ACER1: variants seen among roughly 807,000 people sequenced by gnomAD.
The protein encoded by ACER1 is CTB-180A7.3.
A neutral mutation model predicts 24.9 loss-of-function variants in ACER1; 28 were observed. That is an observed-to-expected ratio of 1.13 (90% CI 0.83 to 1.54). The LOEUF is 1.54. Among genes scored for constraint, ACER1 ranks in the 40% most tolerant of loss-of-function variants. The pLI is 0.00. For synonymous variants in ACER1, 132 were observed against 131.4 expected (o/e 1.00, Z -0.03); for missense variants, 352 against 349.3 (o/e 1.01, Z -0.06).
chr19:6,333,366 A>T, intron 1 of ACER1, 93 bp downstream of exon 1: 1 of 1,056,298 alleles, frequency 9.5e-7, no homozygotes, highest in Non-Finnish European at 1.4e-6. Flanking sequence ...CAGGTGAACC[A>T]CTCCAGCAAG....
At chr19:6,351,676 T>TAAG in the ACER1 span, among the ~76,000 whole-genome samples, 59 of 151,992 alleles carry the variant, frequency 3.9e-4, no homozygotes, top group African/African-American at 1.4e-3. Context: ...AAGACTGCAG[T>TAAG]GAGCTGTGAT....
chr19:6,309,440 T>C (rs2091566597), intron 4 of ACER1, among the ~76,000 whole-genome samples: 1 of 151,984 alleles, frequency 6.6e-6, no homozygotes, highest in African/African-American at 2.4e-5. Context: ...GAGGATTGCT[T>C]GAGCCTGGGA....
intron 1 of ACER1, among the ~76,000 whole-genome samples, chr19:6,332,764 G>C (rs2091694635): frequency 6.6e-6 from 1 of 152,082 alleles, no homozygotes; most frequent in African/African-American, 2.4e-5. Flanking sequence ...TCCGCCTCCT[G>C]GGTTCAAGCG....
At chr19:6,346,870 C>A in the ACER1 span, among the ~76,000 whole-genome samples, 2 of 151,768 alleles carry the variant, frequency 1.3e-5, no homozygotes, top group Non-Finnish European at 2.9e-5. Flanking sequence ...CTGCCCACCC[C>A]CTTCTTTCCT....
At chr19:6,355,289 CT>C in the ACER1 span, among the ~76,000 whole-genome samples, 1 of 150,878 alleles carries the variant, frequency 6.6e-6, no homozygotes, top group Non-Finnish European at 1.5e-5. Flanking sequence ...CGCCCATCGT[CT>C]GGGACGTGAG....
the ACER1 span, among the ~76,000 whole-genome samples, chr19:6,355,766 A>G: frequency 1.0e-4 from 10 of 99,030 alleles, no homozygotes; most frequent in East Asian, 1.5e-3. Flanking sequence ...TCAGCCCCCC[A>G]CCCGGCCAGC....
chr19:6,322,377 G>A (rs1389501155), intron 1 of ACER1, among the ~76,000 whole-genome samples: 1 of 152,150 alleles, frequency 6.6e-6, no homozygotes, highest in East Asian at 1.9e-4. Context: ...GACAAAATAT[G>A]TAGCAGAAAT....
chr19:6,316,077 G>A (rs949694146), intron 1 of ACER1, among the ~76,000 whole-genome samples: 2 of 152,110 alleles, frequency 1.3e-5, no homozygotes, highest in African/African-American at 4.8e-5. Flanking sequence ...GCAGTGAGCT[G>A]AGATTGTTGC....
Position 6,306,614 on chromosome 19 carries a change from G to T in ACER1, c.*100C>A. ...GACACGGAAGGGGAAACAGAGGAAG[G>T]AACCACGAGTGTCCCGCAGGTGCAA... On this transcript the variant is annotated 3_prime_UTR_variant, in exon 6 of 6. Coordinates refer to ENST00000301452, the MANE Select transcript of ACER1 (RefSeq NM_133492.3). The T allele has an allele frequency of 7.1e-7, 1 of 1,400,222 alleles. No individual in the cohort carries two copies. The allele number at this position is 1,400,222 out of a possible 1,614,324, so 86.7% of individuals were successfully genotyped here. A position where few individuals can be genotyped will look rare whatever the true frequency, so the allele number is the denominator to read the frequency against.
At chr19:6,346,956 T>C in the ACER1 span, among the ~76,000 whole-genome samples, 18 of 151,466 alleles carry the variant, frequency 1.2e-4, no homozygotes, top group Non-Finnish European at 2.1e-4. Context: ...GCTTGAATTG[T>C]ATTCTCTAAA....
intron 3 of ACER1, among the ~76,000 whole-genome samples, chr19:6,310,279 G>A (rs1235438237): frequency 6.6e-6 from 1 of 151,300 alleles, no homozygotes; most frequent in African/African-American, 2.4e-5. Context: ...ACTAGAGACG[G>A]GGTTTCACCA....
At chr19:6,312,049 G>A in intron 3 of ACER1, 100 bp downstream of exon 3, 1 of 1,445,680 alleles carries the variant, frequency 6.9e-7, no homozygotes, top group Non-Finnish European at 9.2e-7. Flanking sequence ...GGGCCCCAAA[G>A]AGGGTCAAGG....
At chr19:6,317,163 G>A (rs1600238211) in intron 1 of ACER1, among the ~76,000 whole-genome samples, 1 of 151,638 alleles carries the variant, frequency 6.6e-6, no homozygotes, top group South Asian at 2.1e-4. Context: ...TAGTAGAGAC[G>A]GGGTTTCACC....
chr19:6,330,843 T>C (rs925468212), intron 1 of ACER1, among the ~76,000 whole-genome samples: 1 of 149,692 alleles, frequency 6.7e-6, no homozygotes, highest in African/African-American at 2.5e-5. Context: ...GTGAGGATCC[T>C]GGAGTCTCAT....
chr19:6,336,425 T>G (rs1255390606), upstream of ACER1, among the ~76,000 whole-genome samples: 3 of 152,184 alleles, frequency 2.0e-5, no homozygotes, highest in Non-Finnish European at 4.4e-5. Context: ...ACCTCTATGA[T>G]GCCTCAGTTT....
the ACER1 span, chr19:6,353,230 G>A: frequency 0.06 from 9,103 of 152,258 alleles, 395 homozygotes; most frequent in African/African-American, 0.12. Context: ...TGCTTGGCAA[G>A]CTAAGGTGGG....
chr19:6,356,740 TTA>T, the ACER1 span, among the ~76,000 whole-genome samples: 1 of 151,824 alleles, frequency 6.6e-6, no homozygotes, highest in Non-Finnish European at 1.5e-5. Flanking sequence ...AAAAAAAACT[TTA>T]AAAACATTAG....
intron 1 of ACER1, among the ~76,000 whole-genome samples, chr19:6,327,094 C>A (rs1038080826): frequency 6.6e-6 from 1 of 152,110 alleles, no homozygotes; most frequent in Non-Finnish European, 1.5e-5. Context: ...TTTCTGTAAC[C>A]CTGACCATGA....
At chr19:6,312,907 C>T (rs1271723448) in intron 1 of ACER1, among the ~76,000 whole-genome samples, 1 of 152,006 alleles carries the variant, frequency 6.6e-6, no homozygotes, top group Non-Finnish European at 1.5e-5. Context: ...GAACTCCTGA[C>T]CTCAGGTGAT....
Sources: allele counts gnomAD v4.1 joint callset (sites outside exome capture counted in the v4.1 genomes callset), GRCh38; gene constraint gnomAD v4.1.1; transcripts MANE v1.5; gene names NCBI Gene and HGNC (gene_info 2026-07-23, HGNC 2026-07-21).